The following MICALL2 variants were observed in gnomAD, a reference collection of about 807,000 sequenced individuals.
The protein encoded by MICALL2 is MICAL like 2.
A neutral mutation model predicts 91.1 loss-of-function variants in MICALL2; 111 were observed. The observed-to-expected ratio is 1.22, with a 90% CI of 1.04 to 1.43. The LOEUF (loss-of-function observed/expected upper bound fraction) is 1.43, where lower values mean the gene tolerates loss of function less well. Among genes scored for constraint, MICALL2 ranks in the 40% most tolerant of loss-of-function variants. The pLI, the probability that MICALL2 is intolerant of heterozygous loss-of-function variation, is 0.00. For synonymous variants in MICALL2, 694 were observed against 525.3 expected, an observed-to-expected ratio of 1.32 and a Z score of -4.39; for missense variants, 1,556 against 1,236.0, an observed-to-expected ratio of 1.26 and a Z score of -3.88.
intron 6 of MICALL2, 119 bp downstream of exon 6, chr7:1,444,533 C>T: frequency 2.0e-6 from 2 of 982,172 alleles, no homozygotes; most frequent in Non-Finnish European, 2.9e-6. Context: ...GGGGGAAGTG[C>T]AGTCCCCAAG....
Position 1,444,780 on chromosome 7 carries a change from G to A in MICALL2, c.1290C>T (p.Thr430=). ...FFQTSAVPPG[T]SLSGRGPTPS... ...GGGTGGGACCTCTGCCAGAAAGGCT[G>A]GTGCCGGGGGGCACTGCTGATGTTT... is the stretch of plus-strand genomic sequence containing the variant. Residue 430 remains threonine, a synonymous_variant, in exon 6 of 17, where the codon ACC becomes ACT. Transcript: ENST00000297508. 5 of 1,611,876 alleles carry A rather than the reference G, an allele frequency of 3.1e-6. No homozygotes were observed. Among genetic ancestry groups the A allele is most frequent in the African/African-American group, 1.3e-5 (1 of 75,054 alleles).
intron 9 of MICALL2, 53 bp from the exon 10 acceptor site, chr7:1,439,048 C>A: frequency 7.0e-7 from 1 of 1,427,662 alleles, no homozygotes; most frequent in Non-Finnish European, 9.6e-7. Context: ...CCACTGGGAG[C>A]CTGGGGTCTG....
intron 16 of MICALL2, 55 bp from the exon 17 acceptor site, chr7:1,434,727 G>T: frequency 6.7e-7 from 1 of 1,486,550 alleles, no homozygotes; most frequent in Non-Finnish European, 9.0e-7. Flanking sequence ...GCACAGCCGT[G>T]GCCCACACAA....
At chr7:1,439,720 C>T in intron 9 of MICALL2, 1 of 442,356 alleles carries the variant, frequency 2.3e-6, no homozygotes, top group Non-Finnish European at 3.9e-6. Context: ...ACAGGCATCA[C>T]ATACATGAAC....
rs762656039 is a variant in MICALL2, at chr7:1,434,460, C to G, written c.*136G>C. The G allele has an allele frequency of 6.6e-5, 51 of 776,704 alleles. No individual in the cohort carries two copies. The highest frequency in any genetic ancestry group is 1.1e-4 in the Non-Finnish European group (48 of 442,194). 48.1% of individuals were successfully genotyped at this position (776,704 alleles called of 1,614,324 possible). The stretch of plus-strand genomic sequence containing the variant: ...TAGGGACAGGAGGCCCTTCCCGAGT[C>G]CAAGTCCGAATGCCGGGTCCGGGCC... On this transcript the variant is annotated 3_prime_UTR_variant, in exon 17 of 17. Transcript: ENST00000297508.
intron 9 of MICALL2, 63 bp from the exon 10 acceptor site, chr7:1,439,058 G>T: frequency 7.5e-7 from 1 of 1,328,540 alleles, no homozygotes; most frequent in Non-Finnish European, 1.0e-6. Context: ...CCTGGGGTCT[G>T]TCCCAGCACA....
At chr7:1,435,225 C>A (rs1584190890) in intron 15 of MICALL2, 78 bp from the exon 16 acceptor site, 1 of 1,469,132 alleles carries the variant, frequency 6.8e-7, no homozygotes, top group Non-Finnish European at 9.5e-7. Context: ...CAGTCTCCAG[C>A]AGTGGCACCC....
intron 15 of MICALL2, 26 bp from the exon 16 acceptor site, chr7:1,435,173 G>A: frequency 6.2e-7 from 1 of 1,612,590 alleles, no homozygotes; most frequent in Non-Finnish European, 8.5e-7. Context: ...ATGGCCATGA[G>A]CGACAATGGC....
intron 9 of MICALL2, chr7:1,439,676 T>TGTACACATGC (rs1481075285): frequency 7.3e-6 from 3 of 409,828 alleles, no homozygotes; most frequent in Non-Finnish European, 1.3e-5. Context: ...TGAACACAGA[T>TGTACACATGC]GTACACATGC....
In MICALL2 at chr7:1,445,054, C is replaced by G. The variant is rs200412394; in HGVS notation, c.1016G>C (p.Arg339Pro). Reference sequence around the variant, plus strand: ...GCCCATCGGGGAGCTATTGGTCACACGAGGGCGGACTTTCCCCTCCGTGGG... The same window carrying G: ...GCCCATCGGGGAGCTATTGGTCACAGGAGGGCGGACTTTCCCCTCCGTGGG... ...PTPTEGKVRP[R>P]VTNSSPMGWS... Residue 339 changes from arginine to proline, a missense_variant, in exon 6 of 17, where the codon CGT becomes CCT. Coordinates refer to ENST00000297508, the MANE Select transcript of MICALL2 (RefSeq NM_182924.4). 2.6e-6 allele frequency: 4 copies of G among 1,545,606 alleles called. No homozygotes were observed. Among genetic ancestry groups the G allele is most frequent in the Admixed American group, 2.0e-5 (1 of 50,790 alleles).
chr7:1,440,128 A>C, intron 8 of MICALL2, 43 bp from the exon 9 acceptor site: 2 of 1,563,404 alleles, frequency 1.3e-6, no homozygotes, highest in Non-Finnish European at 1.7e-6. Flanking sequence ...CACCAGCCCC[A>C]GGGCCTGGCC....
At chr7:1,437,158 G>A (rs957865786) in intron 14 of MICALL2, 6 of 479,728 alleles carry the variant, frequency 1.3e-5, no homozygotes, top group African/African-American at 8.2e-5. Context: ...GGCAGAGGCA[G>A]ACGGCCTGGG....
intron 1 of MICALL2, among the ~76,000 whole-genome samples, chr7:1,453,384 G>A (rs1021074103): frequency 2.0e-5 from 3 of 152,062 alleles, no homozygotes; most frequent in African/African-American, 4.8e-5. Flanking sequence ...GGGCGAAGAC[G>A]GCCACCCCAG....
Position 1,435,100 on chromosome 7 carries a change from C to T in MICALL2, c.2638+1G>A. 1 of 1,613,322 alleles carries T rather than the reference C, an allele frequency of 6.2e-7. No homozygotes were observed. The highest frequency in any genetic ancestry group is 8.5e-7 in the Non-Finnish European group (1 of 1,179,936). On this transcript the variant is annotated splice_donor_variant, in intron 16 of 16. Coordinates refer to ENST00000297508, the MANE Select transcript of MICALL2 (RefSeq NM_182924.4). LOFTEE classifies it high-confidence loss of function. Reference sequence around the variant, plus strand: ...GCCCTCAGCATCCCCGGCCCAGTCACCCAGCTTCTCAATCATGTCCCGCAG... The same window carrying T: ...GCCCTCAGCATCCCCGGCCCAGTCATCCAGCTTCTCAATCATGTCCCGCAG...
In MICALL2 at chr7:1,440,025, C is replaced by T. The variant is rs1445397151; in HGVS notation, c.1866G>A (p.Arg622=). ...TCCCAGCAAAGCTGCCTGAGACCTT[C>T]CTGGGGGCCTCCCCCGCCCTCGGCT... ...LAEPRAGEAP[R]KVSGSFAGSV... is the part of the protein sequence containing the mutation. Residue 622 remains arginine, a synonymous_variant, in exon 9 of 17, where the codon AGG becomes AGA. Transcript: ENST00000297508. 1.3e-6 allele frequency: 2 copies of T among 1,577,006 alleles called. No individual in the cohort carries two copies. The highest frequency in any genetic ancestry group is 1.2e-5 in the South Asian group (1 of 85,536).
chr7:1,454,094 A>G (rs1460864672), intron 1 of MICALL2, among the ~76,000 whole-genome samples: 2 of 151,162 alleles, frequency 1.3e-5, no homozygotes, highest in Non-Finnish European at 2.9e-5. Context: ...TTGGGAATGT[A>G]TACCCCCCTC....
intron 6 of MICALL2, among the ~76,000 whole-genome samples, chr7:1,443,249 G>C (rs1211773482): frequency 5.5e-5 from 8 of 144,974 alleles, no homozygotes; most frequent in Admixed American, 2.7e-4. Context: ...CTCATCCTCA[G>C]TCCCTAGGAT....
intron 4 of MICALL2, among the ~76,000 whole-genome samples, 181 bp downstream of exon 4, chr7:1,447,394 T>G (rs1780646965): frequency 6.6e-6 from 1 of 152,166 alleles, no homozygotes; most frequent in African/African-American, 2.4e-5. Flanking sequence ...AACCCCTGGC[T>G]TGATGGAGCC....
intron 1 of MICALL2, among the ~76,000 whole-genome samples, chr7:1,454,175 C>CG (rs368298776): frequency 0.036 from 4,453 of 122,156 alleles, 232 homozygotes; most frequent in African/African-American, 0.12. Flanking sequence ...GTGGGGAGGG[C>CG]GGGGGGGTGC....
Sources: gnomAD v4.1 joint callset for allele counts (sites outside exome capture counted in the v4.1 genomes callset) on GRCh38, gnomAD v4.1.1 for gene constraint, MANE v1.5 for transcripts, NCBI Gene and HGNC (gene_info 2026-07-23, HGNC 2026-07-21) for gene names.